ERICH1: variants seen among roughly 807,000 people sequenced by gnomAD.
ERICH1 encodes the protein glutamate-rich protein 1.
ERICH1 carries 56 observed loss-of-function variants against 39.6 expected under a neutral mutation model. The ratio of observed to expected loss-of-function variants is 1.41; its 90% confidence interval spans 1.14 to 1.77. The LOEUF (loss-of-function observed/expected upper bound fraction) is 1.77. Ranked by LOEUF, ERICH1 falls within the 40% of genes most tolerant of loss-of-function variation. The probability of loss-of-function intolerance (pLI) is 0.00; values close to 1 mark genes in which losing one functional copy is unlikely to be tolerated. For synonymous variants in ERICH1, 313 were observed against 223.6 expected (o/e 1.40, Z -3.57); for missense variants, 826 against 575.4 (o/e 1.44, Z -4.45).
chr8:641,944 G>A (rs1369939428), intron 3 of ERICH1, among the ~76,000 whole-genome samples: 6 of 152,190 alleles, frequency 3.9e-5, no homozygotes, highest in South Asian at 4.1e-4. Flanking sequence ...AGCTTTTTCC[G>A]AGGAGGCATC....
At chr8:712,888 T>C (rs1815077652) in intron 2 of ERICH1, among the ~76,000 whole-genome samples, 1 of 152,376 alleles carries the variant, frequency 6.6e-6, no homozygotes, top group South Asian at 2.1e-4. Flanking sequence ...GTTATACTGA[T>C]TGAAAAAGCA....
At chr8:658,258 C>T (rs1235261615) in intron 3 of ERICH1, among the ~76,000 whole-genome samples, 2 of 152,166 alleles carry the variant, frequency 1.3e-5, no homozygotes, top group Admixed American at 1.3e-4. Flanking sequence ...TTCTCATTTG[C>T]CCCCAGGTGA....
intron 2 of ERICH1, among the ~76,000 whole-genome samples, chr8:712,259 C>T (rs967692977): frequency 6.6e-6 from 1 of 152,098 alleles, no homozygotes; most frequent in African/African-American, 2.4e-5. Context: ...TCTATAATAT[C>T]GAGTCTTCCT....
intron 3 of ERICH1, among the ~76,000 whole-genome samples, chr8:659,058 G>A (rs1801066933): frequency 1.2e-5 from 1 of 83,680 alleles, no homozygotes. Flanking sequence ...TGAGCATCCT[G>A]GGGAGGGGGT....
chr8:658,056 G>A (rs887790744), intron 3 of ERICH1, among the ~76,000 whole-genome samples: 2 of 152,236 alleles, frequency 1.3e-5, no homozygotes, highest in African/African-American at 4.8e-5. Flanking sequence ...AGGCTGGCAC[G>A]GCCCCTTTCT....
intron 3 of ERICH1, among the ~76,000 whole-genome samples, chr8:628,658 G>C (rs758545485): frequency 2.0e-5 from 3 of 152,176 alleles, no homozygotes; most frequent in African/African-American, 7.2e-5. Flanking sequence ...ATGCGGGTTC[G>C]CAACACAAAG....
At chr8:725,833 G>T (rs958093652) in intron 1 of ERICH1, 1 of 152,502 alleles carries the variant, frequency 6.6e-6, no homozygotes, top group African/African-American at 2.4e-5. Flanking sequence ...CCTGTTCCAT[G>T]AGGCTGATTC....
chr8:650,845 T>C (rs1799856306), intron 3 of ERICH1, among the ~76,000 whole-genome samples: 1 of 152,214 alleles, frequency 6.6e-6, no homozygotes, highest in Non-Finnish European at 1.5e-5. Flanking sequence ...CAACGATTCA[T>C]GGTGAAAGGT....
At chr8:704,652 G>A (rs1269829779) in intron 2 of ERICH1, among the ~76,000 whole-genome samples, 2 of 151,870 alleles carry the variant, frequency 1.3e-5, no homozygotes, top group East Asian at 3.9e-4. Flanking sequence ...GAAGGACGGG[G>A]GTTGTAAAAA....
chr8:688,873 C>T (rs1669665), intron 3 of ERICH1, among the ~76,000 whole-genome samples: 1 of 151,946 alleles, frequency 6.6e-6, no homozygotes, highest in Non-Finnish European at 1.5e-5. Context: ...ATTTTTCTAG[C>T]GCTGAACTCT....
chr8:665,484 G>A (rs1335868980), intron 5 of ERICH1, among the ~76,000 whole-genome samples: 4 of 152,198 alleles, frequency 2.6e-5, no homozygotes, highest in Non-Finnish European at 5.9e-5. Context: ...ACAGACAACA[G>A]AAGCCTCATT....
At chr8:691,564 A>G (rs1808924614) in intron 3 of ERICH1, among the ~76,000 whole-genome samples, 2 of 152,272 alleles carry the variant, frequency 1.3e-5, no homozygotes, top group South Asian at 4.1e-4. Flanking sequence ...ATTCACCCAG[A>G]GGAATTTATC....
intron 3 of ERICH1, among the ~76,000 whole-genome samples, chr8:618,703 G>A (rs1797091506): frequency 1.3e-5 from 2 of 152,192 alleles, no homozygotes; most frequent in African/African-American, 4.8e-5. Flanking sequence ...GCTTGGAACA[G>A]CACGCAATGG....
chr8:718,625 G>T (rs1266828078), intron 1 of ERICH1, among the ~76,000 whole-genome samples: 2 of 152,208 alleles, frequency 1.3e-5, no homozygotes, highest in Non-Finnish European at 2.9e-5. Flanking sequence ...GTTTCTCAGG[G>T]ATAACTGACA....
downstream of ERICH1, among the ~76,000 whole-genome samples, chr8:660,589 G>A (rs1392815447): frequency 6.6e-6 from 1 of 152,250 alleles, no homozygotes; most frequent in Admixed American, 6.5e-5. Context: ...AAGACACTGC[G>A]AGGCGGCAAA....
intron 2 of ERICH1, among the ~76,000 whole-genome samples, chr8:708,686 T>TTTTTTGTTTTTG: frequency 2.0e-5 from 1 of 49,000 alleles, no homozygotes; most frequent in South Asian, 9.4e-4. Flanking sequence ...AATGAGTTTT[T>TTTTTTGTTTTTG]TTTTTTTTTT....
At chr8:699,645 G>A (rs1480399230) in intron 2 of ERICH1, among the ~76,000 whole-genome samples, 2 of 151,992 alleles carry the variant, frequency 1.3e-5, no homozygotes, top group African/African-American at 4.8e-5. Flanking sequence ...ACACGCGCGT[G>A]AAAGCACACA....
chr8:632,065 C>T (rs1287113998), intron 3 of ERICH1, among the ~76,000 whole-genome samples: 1 of 152,212 alleles, frequency 6.6e-6, no homozygotes, highest in Non-Finnish European at 1.5e-5. Flanking sequence ...CCCCAGGACA[C>T]AGGCTCTACT....
At chr8:660,178 T>C (rs1007624722), downstream of ERICH1, among the ~76,000 whole-genome samples, 8 of 148,292 alleles carry the variant, frequency 5.4e-5, no homozygotes, top group East Asian at 1.6e-3. Flanking sequence ...CTTCCCCGAC[T>C]CTCCCCCTGG....
Sources: gnomAD v4.1 joint callset for allele counts (sites outside exome capture counted in the v4.1 genomes callset) on GRCh38, gnomAD v4.1.1 for gene constraint, MANE v1.5 for transcripts, NCBI Gene and HGNC (gene_info 2026-07-23, HGNC 2026-07-21) for gene names.